Variants in PCDHAC1 observed in about 807,000 individuals in gnomAD.
The protein encoded by PCDHAC1 is protocadherin alpha-C1.
PCDHAC1 carries 42 observed loss-of-function variants against 60.0 expected under a neutral mutation model. The observed-to-expected ratio is 0.70, with a 90% CI of 0.55 to 0.90. The LOEUF (loss-of-function observed/expected upper bound fraction) is 0.90. PCDHAC1 is among the 40% of genes least tolerant of loss of function. PCDHAC1 has a pLI of 0.00. For synonymous variants in PCDHAC1, 468 were observed against 499.3 expected (o/e 0.94, Z 0.84); for missense variants, 1,160 against 1,222.3 (o/e 0.95, Z 0.76).
intron 1 of PCDHAC1, among the ~76,000 whole-genome samples, chr5:140,933,690 T>A (rs1382967033): frequency 1.3e-5 from 2 of 152,048 alleles, no homozygotes; most frequent in Non-Finnish European, 2.9e-5. Flanking sequence ...TTTTTCCTAT[T>A]CCTCGGACAC....
At chr5:140,972,500 T>C (rs1554234162) in intron 1 of PCDHAC1, among the ~76,000 whole-genome samples, 1 of 152,108 alleles carries the variant, frequency 6.6e-6, no homozygotes, top group Non-Finnish European at 1.5e-5. Flanking sequence ...AATCTGTTGG[T>C]AGATTTTACC....
chr5:140,978,702 T>G (rs1200035752), intron 1 of PCDHAC1, among the ~76,000 whole-genome samples: 2 of 152,252 alleles, frequency 1.3e-5, no homozygotes, highest in Non-Finnish European at 2.9e-5. Context: ...AAGCCAAAGG[T>G]GGCCTTTACA....
chr5:140,987,225 A>AT (rs1451600480), intron 3 of PCDHAC1, among the ~76,000 whole-genome samples: 11 of 143,044 alleles, frequency 7.7e-5, no homozygotes, highest in Non-Finnish European at 1.0e-4. Context: ...AAAAAAAAAA[A>AT]AATAATAAAT....
intron 1 of PCDHAC1, among the ~76,000 whole-genome samples, chr5:140,977,323 G>A (rs542392962): frequency 1.3e-5 from 2 of 152,324 alleles, no homozygotes; most frequent in Non-Finnish European, 1.5e-5. Context: ...GCTCCTGATG[G>A]CGAGGGGAGA....
rs1157995876 is a variant in PCDHAC1, at chr5:140,926,358, A to C, written c.-535A>C. ...CCGGGACCCGACGCGCGGCTCCCAA[A>C]GGGCGGCAGGAAGAGCCCAGCTGGG... On this transcript the variant is annotated 5_prime_UTR_variant, in exon 1 of 4. Transcript: ENST00000253807. 6.6e-6 allele frequency: 1 copy of C among 152,230 alleles called. No homozygotes were observed. Among genetic ancestry groups the C allele is most frequent in the Non-Finnish European group, 1.5e-5 (1 of 68,086 alleles). The allele number at this position is 152,230 out of a possible 1,614,324, so 9.4% of individuals were successfully genotyped here. A position where few individuals can be genotyped will look rare whatever the true frequency, so the allele number is the denominator to read the frequency against.
intron 1 of PCDHAC1, among the ~76,000 whole-genome samples, chr5:140,965,496 AT>A (rs71766133): frequency 0.14 from 20,233 of 145,920 alleles, 1,374 homozygotes; most frequent in Middle Eastern, 0.21. Flanking sequence ...ATGACAGCAG[AT>A]TTTTTTTTTT....
At chr5:140,998,014 C>T (rs1554256135) in intron 3 of PCDHAC1, among the ~76,000 whole-genome samples, 1 of 152,162 alleles carries the variant, frequency 6.6e-6, no homozygotes, top group Non-Finnish European at 1.5e-5. Context: ...TCCATCCCCA[C>T]CTCGAGCTAG....
Position 140,979,023 on chromosome 5 carries a change from C to G in PCDHAC1, c.2492+16C>G, listed in dbSNP as rs2096831948. On this transcript the variant is annotated intron_variant, in intron 2 of 3. Transcript: ENST00000253807. ...GCATGCACAGGTATGTATTTCCCTC[C>G]TCATTCACTCAGAAGTAACCTTAAC... The G allele has an allele frequency of 6.2e-7, 1 of 1,613,422 alleles. No homozygotes were observed.
chr5:140,988,193 A>G (rs528689173), intron 3 of PCDHAC1, among the ~76,000 whole-genome samples: 4 of 152,192 alleles, frequency 2.6e-5, no homozygotes, highest in South Asian at 2.1e-4. Flanking sequence ...AGGTGTGTGC[A>G]TATCCTTATT....
chr5:140,941,402 C>T (rs544909478), intron 1 of PCDHAC1, among the ~76,000 whole-genome samples: 12 of 149,674 alleles, frequency 8.0e-5, no homozygotes, highest in African/African-American at 2.5e-4. Flanking sequence ...CTGCAACCTC[C>T]GCCTCCCGGG....
rs149166530 is a variant in PCDHAC1, at chr5:140,990,443, A to G, written c.2581+7880A>G. Among the ~76,000 whole-genome samples the G allele has an allele frequency of 8.3e-4, 127 of 152,344 alleles. 2 individuals carry two copies. The East Asian group carries it at 0.024, about 29-fold the overall frequency. On this transcript the variant is annotated intron_variant, in intron 3 of 3. Transcript: ENST00000253807. ...CCAGCATTGACCCAATCTTGTGTCC[A>G]GAGCTGTTGCTGTAGGTGGTATCAT...
At chr5:141,007,869 T>C (rs2098349373) in intron 3 of PCDHAC1, among the ~76,000 whole-genome samples, 1 of 152,262 alleles carries the variant, frequency 6.6e-6, no homozygotes, top group African/African-American at 2.4e-5. Flanking sequence ...TCTTTTCCTT[T>C]GTCTTACACT....
intron 3 of PCDHAC1, among the ~76,000 whole-genome samples, chr5:140,999,630 A>G (rs2097866462): frequency 1.3e-5 from 2 of 152,210 alleles, no homozygotes; most frequent in Non-Finnish European, 2.9e-5. Context: ...GAAACAAGGT[A>G]GAGAAAACTG....
chr5:140,950,914 T>G (rs1198787949), intron 1 of PCDHAC1, among the ~76,000 whole-genome samples: 1 of 152,044 alleles, frequency 6.6e-6, no homozygotes, highest in Non-Finnish European at 1.5e-5. Context: ...TTTATTTTAT[T>G]TCAGTTCTTT....
At chr5:141,007,145 A>C (rs528280563) in intron 3 of PCDHAC1, among the ~76,000 whole-genome samples, 1 of 152,330 alleles carries the variant, frequency 6.6e-6, no homozygotes, top group Admixed American at 6.5e-5. Context: ...CTGACAAAGG[A>C]AACTGTCAAA....
intron 1 of PCDHAC1, among the ~76,000 whole-genome samples, chr5:140,933,677 T>G (rs1024721491): frequency 6.6e-6 from 1 of 151,826 alleles, no homozygotes; most frequent in African/African-American, 2.4e-5. Flanking sequence ...CTCTCTCACA[T>G]TTTTTTTCCT....
At chr5:141,006,704 A>G (rs2098283751) in intron 3 of PCDHAC1, among the ~76,000 whole-genome samples, 1 of 152,128 alleles carries the variant, frequency 6.6e-6, no homozygotes, top group Non-Finnish European at 1.5e-5. Context: ...GAGTCAAGAT[A>G]TATTTAGGAG....
At chr5:140,976,203 A>T (rs1301475935) in intron 1 of PCDHAC1, among the ~76,000 whole-genome samples, 1 of 152,220 alleles carries the variant, frequency 6.6e-6, no homozygotes, top group East Asian at 1.9e-4. Flanking sequence ...GAAACTCAGA[A>T]GTAAAAAAGA....
intron 1 of PCDHAC1, chr5:140,930,104 G>T (rs532818002): frequency 6.6e-6 from 1 of 152,210 alleles, no homozygotes; most frequent in Non-Finnish European, 1.5e-5. Flanking sequence ...ACTGATAGGA[G>T]ATCATATTGT....
Sources: gnomAD v4.1 joint callset for allele counts (sites outside exome capture counted in the v4.1 genomes callset) on GRCh38, gnomAD v4.1.1 for gene constraint, MANE v1.5 for transcripts, NCBI Gene and HGNC (gene_info 2026-07-23, HGNC 2026-07-21) for gene names.